Variants in TARS3 observed in about 807,000 individuals in gnomAD.
TARS3 encodes the protein threonyl-tRNA synthetase 3, also known as threonine--tRNA ligase 2, cytoplasmic.
A neutral mutation model predicts 103.5 loss-of-function variants in TARS3; 94 were observed. The ratio of observed to expected loss-of-function variants is 0.91; its 90% confidence interval spans 0.77 to 1.08. TARS3 has a LOEUF of 1.08. Ranked by LOEUF, TARS3 falls within the 50% of genes least tolerant of loss-of-function variation. TARS3 has a pLI of 0.00. For synonymous variants in TARS3, 416 were observed against 355.4 expected (o/e 1.17, Z -1.92); for missense variants, 952 against 995.2 (o/e 0.96, Z 0.58).
chr15:101,671,663 C>A lies in TARS3; in HGVS notation c.1866+8G>T. 1 of 1,613,718 alleles carries A rather than the reference C, an allele frequency of 6.2e-7. No homozygotes were observed. Among genetic ancestry groups the A allele is most frequent in the South Asian group, 1.1e-5 (1 of 91,024 alleles). On this transcript the variant is annotated splice_region_variant and intron_variant, in intron 14 of 18. Transcript: ENST00000335968. ...ATTTTGCTGTTTTGAAGCATGTGGT[C>A]GACTCACTTTAGGGCCATAAAATGC...
chr15:101,695,355 C>T (rs909196479), intron 10 of TARS3, among the ~76,000 whole-genome samples: 1 of 152,174 alleles, frequency 6.6e-6, no homozygotes, highest in Admixed American at 6.5e-5. Context: ...GGAATGGTGC[C>T]TTATGCATTC....
intron 12 of TARS3, among the ~76,000 whole-genome samples, chr15:101,679,942 C>T (rs780447911): frequency 2.0e-5 from 3 of 152,176 alleles, no homozygotes; most frequent in Non-Finnish European, 4.4e-5. Context: ...GAAAGCATGG[C>T]CTCATGACCA....
At chr15:101,712,653 C>A (rs773839984) in intron 4 of TARS3, among the ~76,000 whole-genome samples, 7 of 152,126 alleles carry the variant, frequency 4.6e-5, no homozygotes, top group Non-Finnish European at 1.0e-4. Context: ...CCTCCAAGTT[C>A]AAAAAGTTGA....
At chr15:101,705,326 T>C (rs1174157843) in intron 7 of TARS3, among the ~76,000 whole-genome samples, 1 of 152,166 alleles carries the variant, frequency 6.6e-6, no homozygotes, top group African/African-American at 2.4e-5. Flanking sequence ...ACAGTAAGTA[T>C]GAGGCAGAGA....
chr15:101,708,218 A>G (rs1456925648), intron 6 of TARS3, among the ~76,000 whole-genome samples: 1 of 126,404 alleles, frequency 7.9e-6, no homozygotes, highest in East Asian at 2.8e-4. Flanking sequence ...AGATAGTGCC[A>G]CTGCACTCTA....
chr15:101,657,937 TC>T, intron 16 of TARS3, 80 bp from the exon 17 acceptor site: 2 of 934,672 alleles, frequency 2.1e-6, no homozygotes, highest in Non-Finnish European at 1.6e-6. Flanking sequence ...AACCAAAGAT[TC>T]TTTTAAAGAC....
intron 15 of TARS3, among the ~76,000 whole-genome samples, chr15:101,667,728 G>A (rs1362900580): frequency 1.3e-5 from 2 of 151,724 alleles, no homozygotes; most frequent in African/African-American, 4.8e-5. Context: ...CCACCACCAC[G>A]CCCAGCTAAT....
intron 16 of TARS3, among the ~76,000 whole-genome samples, chr15:101,660,622 G>A (rs932415456): frequency 3.3e-5 from 5 of 152,192 alleles, no homozygotes; most frequent in Admixed American, 1.3e-4. Flanking sequence ...GGGATCCAAC[G>A]TAATCAACCT....
intron 15 of TARS3, 101 bp from the exon 16 acceptor site, chr15:101,661,917 C>A: frequency 1.6e-6 from 1 of 623,760 alleles, no homozygotes; most frequent in South Asian, 3.4e-5. Flanking sequence ...TTAGTGATAT[C>A]AGATCTCTCC....
At position 101,656,997 on chromosome 15, in the gene TARS3, C is replaced by T. The variant is rs201237590; in HGVS notation, c.2185G>A (p.Val729Ile). The change falls in exon 18 of 19, where the codon GTT (valine) becomes ATT (isoleucine). Residue 729 changes from valine (V) to isoleucine (I), a missense_variant. Transcript: ENST00000335968. ...AGTGTACAACTGTGATCCAAGTCAA[C>T]GTCAGCCATAAATCCTTCTTCAAAA... ...EFFEEGFMADVDLDHSCTLNK... is the reference protein window; with the variant it reads ...EFFEEGFMADIDLDHSCTLNK... 6.2e-6 allele frequency: 10 copies of T among 1,613,854 alleles called. No individual in the cohort carries two copies. Among genetic ancestry groups the T allele is most frequent in the East Asian group, 2.2e-5 (1 of 44,882 alleles).
chr15:101,704,677 AAAG>A (rs1256814507), intron 7 of TARS3, among the ~76,000 whole-genome samples: 1 of 151,636 alleles, frequency 6.6e-6, no homozygotes. Flanking sequence ...AAAAAAAAAA[AAAG>A]AAAGCCATAA....
chr15:101,698,535 A>C (rs1265932299), intron 10 of TARS3, among the ~76,000 whole-genome samples: 1 of 152,136 alleles, frequency 6.6e-6, no homozygotes, highest in African/African-American at 2.4e-5. Flanking sequence ...TAGATACCAG[A>C]ATTTCTACAG....
At chr15:101,657,358 G>A (rs1180537755) in intron 17 of TARS3, among the ~76,000 whole-genome samples, 3 of 152,202 alleles carry the variant, frequency 2.0e-5, no homozygotes, top group South Asian at 2.1e-4. Flanking sequence ...CCCGAGCTCC[G>A]CAGCCCTGGC....
chr15:101,684,577 T>C (rs928318108), intron 11 of TARS3, among the ~76,000 whole-genome samples: 9 of 152,178 alleles, frequency 5.9e-5, no homozygotes. Flanking sequence ...GGCTAGGCAG[T>C]TTCTCCTCAC....
At chr15:101,674,107 T>C (rs1259579633) in intron 13 of TARS3, among the ~76,000 whole-genome samples, 1 of 152,248 alleles carries the variant, frequency 6.6e-6, no homozygotes, top group African/African-American at 2.4e-5. Flanking sequence ...TACTCTGCCC[T>C]ACCTGGGATG....
chr15:101,697,085 T>G (rs1014133139), intron 10 of TARS3, among the ~76,000 whole-genome samples: 1 of 152,224 alleles, frequency 6.6e-6, no homozygotes, highest in African/African-American at 2.4e-5. Context: ...ATATTTATAC[T>G]TGGCCAATCT....
Position 101,702,400 on chromosome 15 carries a change from G to T in TARS3, c.1075-15C>A, listed in dbSNP as rs201309807. The stretch of plus-strand genomic sequence containing the variant: ...GTTGAGGAATTCTAAATATCAAAGA[G>T]GATTTTGGTAAATATATCATACATT... On this transcript the variant is annotated splice_polypyrimidine_tract_variant and intron_variant, in intron 8 of 18. Transcript: ENST00000335968. 126 of 1,609,688 alleles carry T rather than the reference G, an allele frequency of 7.8e-5. No homozygotes were observed. The South Asian group carries it at 8.3e-4, about 11-fold the overall frequency.
At chr15:101,684,004 G>C (rs894176831) in intron 12 of TARS3, 71 bp downstream of exon 12, 2 of 1,442,322 alleles carry the variant, frequency 1.4e-6, no homozygotes, top group Non-Finnish European at 9.3e-7. Context: ...AACTCTGAAA[G>C]AATACAAGAT....
rs79730030 is a variant in TARS3 at position 101,686,502 on chromosome 15, C to T, written c.1321-440G>A. Among the ~76,000 whole-genome samples the T allele has an allele frequency of 1.3e-3, 205 of 152,144 alleles. 3 individuals carry two copies. Among genetic ancestry groups the T allele is most frequent in the African/African-American group, 4.4e-3 (181 of 41,514 alleles). On this transcript the variant is annotated intron_variant, in intron 10 of 18. Transcript: ENST00000335968. ...CAGAAATAAGAATTTTAGTGTATAACGATTTAAGTAGTTGAAATTATTAAG... is the reference window on the plus strand; with the variant it reads ...CAGAAATAAGAATTTTAGTGTATAATGATTTAAGTAGTTGAAATTATTAAG...
Sources: gnomAD v4.1 joint callset for allele counts (sites outside exome capture counted in the v4.1 genomes callset) on GRCh38, gnomAD v4.1.1 for gene constraint, MANE v1.5 for transcripts, NCBI Gene and HGNC (gene_info 2026-07-23, HGNC 2026-07-21) for gene names.